OPCML: variants seen among roughly 807,000 people sequenced by gnomAD.
The protein encoded by OPCML is opioid binding protein/cell adhesion molecule like, also known as opioid-binding protein/cell adhesion molecule.
OPCML carries 13 observed loss-of-function variants against 37.8 expected under a neutral mutation model. The observed-to-expected ratio is 0.34, with a 90% CI of 0.22 to 0.55. The LOEUF is 0.55. OPCML is among the 20% of genes least tolerant of loss of function. OPCML has a pLI of 0.91. For missense variants in OPCML, 341 were observed against 435.6 expected (o/e 0.78, Z 1.93); for synonymous variants, 176 against 168.8 (o/e 1.04, Z -0.33).
chr11:132,452,819 C>A (rs2096072086), intron 4 of OPCML, among the ~76,000 whole-genome samples: 1 of 152,188 alleles, frequency 6.6e-6, no homozygotes, highest in Admixed American at 6.5e-5. Context: ...GATTGAATTT[C>A]TCACCAGCCA....
chr11:132,561,270 T>A (rs2096410080), intron 3 of OPCML, among the ~76,000 whole-genome samples: 1 of 152,232 alleles, frequency 6.6e-6, no homozygotes, highest in Non-Finnish European at 1.5e-5. Context: ...TGCCTTGAGA[T>A]CCCTCTACTC....
At chr11:133,242,647 C>T (rs927122074) in intron 1 of OPCML, among the ~76,000 whole-genome samples, 4 of 152,132 alleles carry the variant, frequency 2.6e-5, no homozygotes, top group South Asian at 2.1e-4. Context: ...GTGTAATTAC[C>T]TCTTTTTAAA....
At chr11:132,656,624 C>G (rs1055771634) in intron 3 of OPCML, among the ~76,000 whole-genome samples, 2 of 152,174 alleles carry the variant, frequency 1.3e-5, no homozygotes, top group African/African-American at 4.8e-5. Flanking sequence ...CCTGCCTAAA[C>G]AGCACTCAGA....
At chr11:132,822,435 G>C (rs917368605) in intron 2 of OPCML, among the ~76,000 whole-genome samples, 6 of 152,276 alleles carry the variant, frequency 3.9e-5, no homozygotes, top group African/African-American at 1.2e-4. Context: ...TCTCTGAGGC[G>C]GTGAATGGAT....
chr11:133,211,147 C>CA lies in OPCML; in HGVS notation c.62-268138dup, dbSNP rs1939340497. Among the ~76,000 whole-genome samples, 1 of 152,140 alleles carries CA rather than the reference C, an allele frequency of 6.6e-6. No individual in the cohort carries two copies. The highest frequency in any genetic ancestry group is 1.5e-5 in the Non-Finnish European group (1 of 68,030). On this transcript the variant is annotated intron_variant, in intron 1 of 7. Transcript: ENST00000524381. This position sits in a 1 kb window ranked among gnomAD's most constrained non-coding sequence, Gnocchi z 4.1. The stretch of plus-strand genomic sequence containing the variant: ...AATCATTCGTGATTGATGAGCCTGC[C>CA]AGAAGGAATCAAATATTTCTGCAAA...
intron 2 of OPCML, among the ~76,000 whole-genome samples, chr11:132,695,731 AG>A (rs1391163702): frequency 6.6e-6 from 1 of 152,200 alleles, no homozygotes; most frequent in Non-Finnish European, 1.5e-5. Context: ...CTACAATGAC[AG>A]TAAAGGGGAA....
At chr11:132,570,755 G>GTA (rs71477765) in intron 3 of OPCML, among the ~76,000 whole-genome samples, 1,786 of 30,012 alleles carry the variant, frequency 0.06, 99 homozygotes, top group Non-Finnish European at 0.072. Context: ...AGGAAAGAGA[G>GTA]TATATATATA....
chr11:132,573,055 T>C (rs540874218), intron 3 of OPCML, among the ~76,000 whole-genome samples: 1 of 152,086 alleles, frequency 6.6e-6, no homozygotes, highest in East Asian at 1.9e-4. Context: ...GATAGTTTAT[T>C]TTTAGTATAT....
At chr11:133,099,680 A>G (rs993266528) in intron 1 of OPCML, among the ~76,000 whole-genome samples, 3 of 151,808 alleles carry the variant, frequency 2.0e-5, no homozygotes, top group African/African-American at 7.3e-5. Flanking sequence ...GATGCTGAGC[A>G]TTTTTTCATA....
chr11:133,248,998 C>T (rs2136429305), intron 1 of OPCML, among the ~76,000 whole-genome samples: 1 of 152,318 alleles, frequency 6.6e-6, no homozygotes, highest in Non-Finnish European at 1.5e-5. Flanking sequence ...TGATCCAACA[C>T]TCTAGAGCTG....
Position 133,140,904 on chromosome 11 carries a change from C to CGAAGAAGACGAAGAA in OPCML, c.62-197895_62-197894insTTCTTCGTCTTCTTC, listed in dbSNP as rs1565468422. Among the ~76,000 whole-genome samples the CGAAGAAGACGAAGAA allele has an allele frequency of 1.4e-3, 6 of 4,232 alleles. 2 individuals are homozygous for CGAAGAAGACGAAGAA. The highest frequency in any genetic ancestry group is 6.5e-3 in the Admixed American group (1 of 154). 2.8% of individuals were successfully genotyped at this position (4,232 alleles called of 152,430 possible). A position where few individuals can be genotyped will look rare whatever the true frequency, so the allele number is the denominator to read the frequency against. On this transcript the variant is annotated intron_variant, in intron 1 of 7. Transcript: ENST00000524381. ...ACGACGACGACGACGAAGACGACGA[C>CGAAGAAGACGAAGAA]GACGAAGAAGAAGAAGACGACGACG...
chr11:133,231,874 G>C (rs903991842), intron 1 of OPCML, among the ~76,000 whole-genome samples: 1 of 152,122 alleles, frequency 6.6e-6, no homozygotes, highest in African/African-American at 2.4e-5. Context: ...AGAGGGGAGG[G>C]AGAAGCAGGC....
At chr11:132,739,088 G>A (rs1446138792) in intron 2 of OPCML, among the ~76,000 whole-genome samples, 1 of 152,126 alleles carries the variant, frequency 6.6e-6, no homozygotes, top group African/African-American at 2.4e-5. Flanking sequence ...ATGACGCCAA[G>A]CAGAATCTAT....
At chr11:132,428,617 G>A (rs530393453) in intron 7 of OPCML, among the ~76,000 whole-genome samples, 13 of 152,264 alleles carry the variant, frequency 8.5e-5, no homozygotes, top group Middle Eastern at 3.4e-3. Context: ...AGCACACTGG[G>A]AGACACAGTA....
intron 2 of OPCML, among the ~76,000 whole-genome samples, chr11:132,873,776 AAAAGT>A (rs577247093): frequency 1.0e-3 from 153 of 152,286 alleles, no homozygotes; most frequent in Admixed American, 1.5e-3. Context: ...AAGATAACAA[AAAAGT>A]AAAGAGAAGA....
chr11:132,524,859 G>A (rs985548477), intron 4 of OPCML, among the ~76,000 whole-genome samples: 9 of 152,130 alleles, frequency 5.9e-5, no homozygotes, highest in Non-Finnish European at 1.0e-4. Flanking sequence ...TGGTAAGAAG[G>A]ATATGTCTTT....
rs545653738 is a variant in OPCML, at chr11:133,370,971, C to T, written c.61+161293G>A. Among the ~76,000 whole-genome samples the T allele has an allele frequency of 2.0e-4, 31 of 152,154 alleles. No homozygotes were observed. The East Asian group carries it at 4.6e-3, about 23-fold the overall frequency. ...TATACAAGAAACTCAAATGATTCAG[C>T]GGCAAAACAAACAAAATCCTGTTAA... On this transcript the variant is annotated intron_variant, in intron 1 of 7. Transcript: ENST00000524381.
intron 1 of OPCML, among the ~76,000 whole-genome samples, chr11:133,220,917 G>A (rs1939790941): frequency 6.6e-6 from 1 of 152,166 alleles, no homozygotes; most frequent in Non-Finnish European, 1.5e-5. Flanking sequence ...AGGCCTCAGT[G>A]GTGCGTCACT....
chr11:132,827,805 G>A (rs907280679), intron 2 of OPCML, among the ~76,000 whole-genome samples: 1 of 116,556 alleles, frequency 8.6e-6, no homozygotes, highest in Non-Finnish European at 2.1e-5. Flanking sequence ...ACGCCTGGCT[G>A]AATTTTTTTT....
Sources: allele counts gnomAD v4.1 joint callset (sites outside exome capture counted in the v4.1 genomes callset), GRCh38; gene constraint gnomAD v4.1.1; non-coding constraint Gnocchi (gnomAD v3.1); transcripts MANE v1.5; gene names NCBI Gene and HGNC (gene_info 2026-07-23, HGNC 2026-07-21).